The following ARMC9 variants were observed in gnomAD, a reference collection of about 807,000 sequenced individuals.
The protein encoded by ARMC9 is armadillo repeat containing 9.
In ARMC9, 94 loss-of-function variants were observed where a neutral mutation model predicts 107.0. The observed-to-expected ratio is 0.88, with a 90% CI of 0.74 to 1.04. The LOEUF (loss-of-function observed/expected upper bound fraction) is 1.04, where lower values mean the gene tolerates loss of function less well. Ranked by LOEUF, ARMC9 falls within the 50% of genes least tolerant of loss-of-function variation. ARMC9 has a pLI of 0.00. For missense variants in ARMC9, 942 were observed against 1,030.1 expected (o/e 0.91, Z 1.17); for synonymous variants, 380 against 396.9 (o/e 0.96, Z 0.51).
At chr2:231,366,882 G>A (rs1290551057) in intron 23 of ARMC9, among the ~76,000 whole-genome samples, 9 of 150,132 alleles carry the variant, frequency 6.0e-5, no homozygotes, top group Non-Finnish European at 1.2e-4. Context: ...ACGGAGTCTC[G>A]CTCTGTCGCC....
chr2:231,250,644 TG>T (rs1402747706), intron 9 of ARMC9, among the ~76,000 whole-genome samples: 1 of 151,622 alleles, frequency 6.6e-6, no homozygotes, highest in African/African-American at 2.4e-5. Context: ...TCTTGGAGGA[TG>T]GGGGGTGAAG....
rs778127630 is a variant in ARMC9 at position 231,214,901 on chromosome 2, C to G, written c.248C>G (p.Ser83Ter). ...TTCGATCTGTGGGAGGAGCACATTT[C>G]AAGTTCCATCCGAGATGGGGACTCC... ...VFFDLWEEHISSSIRDGDSFA... is the reference protein window; with the variant it reads ...VFFDLWEEHI Residue 83 changes from serine to a stop codon, truncating the protein, a stop_gained, in exon 4 of 25, where the codon TCA becomes TGA. Coordinates refer to ENST00000611582, the MANE Select transcript of ARMC9 (RefSeq NM_001352754.2). LOFTEE classifies it high-confidence loss of function. 6.2e-7 allele frequency: 1 copy of G among 1,614,148 alleles called. No individual in the cohort carries two copies. Among genetic ancestry groups the G allele is most frequent in the East Asian group, 2.2e-5 (1 of 44,882 alleles).
intron 6 of ARMC9, among the ~76,000 whole-genome samples, chr2:231,223,089 C>T (rs949031798): frequency 2.6e-5 from 4 of 152,312 alleles, no homozygotes; most frequent in South Asian, 4.1e-4. Context: ...AGAAAGTTTA[C>T]CTTCTTGTAA....
chr2:231,357,341 C>T (rs1374808752), intron 22 of ARMC9, among the ~76,000 whole-genome samples: 1 of 152,164 alleles, frequency 6.6e-6, no homozygotes, highest in East Asian at 1.9e-4. Flanking sequence ...TCCCAAATCC[C>T]GCTGTCAGTG....
chr2:231,206,251 C>A lies in ARMC9; in HGVS notation c.13C>A (p.Leu5Met), dbSNP rs376958829. 3.1e-6 allele frequency: 5 copies of A among 1,613,800 alleles called. No homozygotes were observed. The highest frequency in any genetic ancestry group is 4.2e-6 in the Non-Finnish European group (5 of 1,179,734). Reference sequence around the variant, plus strand: ...GTAACAGTTCAATATGGGGGACATTCTGGCTCATGAATCTGAATTACTTGG... The same window carrying A: ...GTAACAGTTCAATATGGGGGACATTATGGCTCATGAATCTGAATTACTTGG... Reference protein sequence around the residue: MGDILAHESELLGLV... With the variant: MGDIMAHESELLGLV... The change falls in exon 2 of 25, where the codon CTG becomes ATG. Residue 5 changes from leucine to methionine, a missense_variant. Leu to Met is a conservative substitution (Grantham distance 15, BLOSUM62 2). Transcript: ENST00000611582.
At chr2:231,329,579 G>A (rs1026482014) in intron 19 of ARMC9, among the ~76,000 whole-genome samples, 29 of 152,308 alleles carry the variant, frequency 1.9e-4, no homozygotes, top group African/African-American at 6.7e-4. Flanking sequence ...AAAGTACTGA[G>A]ATTACAGGTG....
At chr2:231,317,126 G>A (rs1003971007) in intron 19 of ARMC9, among the ~76,000 whole-genome samples, 1 of 151,582 alleles carries the variant, frequency 6.6e-6, no homozygotes, top group Non-Finnish European at 1.5e-5. Context: ...TGTCTATGAT[G>A]TACCTAGGTG....
chr2:231,360,676 C>T lies in ARMC9; in HGVS notation c.2132-78C>T, dbSNP rs889026863. The T allele has an allele frequency of 2.6e-6, 4 of 1,534,890 alleles. No homozygotes were observed. The highest frequency in any genetic ancestry group is 1.4e-5 in the African/African-American group (1 of 73,028). On this transcript the variant is annotated intron_variant, in intron 22 of 24. Transcript: ENST00000611582. This position sits in a 1 kb window ranked among gnomAD's most constrained non-coding sequence, Gnocchi z 4.7. ...TGGGGTGCGTGCTTTTCTTGGCTTT[C>T]CAACCCAGCCCACGAGAGGGCATCC...
chr2:231,307,894 A>G (rs766731437), intron 19 of ARMC9, among the ~76,000 whole-genome samples: 1 of 152,266 alleles, frequency 6.6e-6, no homozygotes, highest in East Asian at 1.9e-4. Context: ...GTTCAAGCAT[A>G]GGTTCCAGAT....
intron 19 of ARMC9, among the ~76,000 whole-genome samples, chr2:231,304,849 A>G (rs1033155862): frequency 1.3e-5 from 2 of 152,220 alleles, no homozygotes; most frequent in African/African-American, 4.8e-5. Flanking sequence ...GAAAGTTTAA[A>G]TTGTATTATT....
chr2:231,201,929 C>T (rs1354766210), intron 1 of ARMC9, among the ~76,000 whole-genome samples: 4 of 151,554 alleles, frequency 2.6e-5, no homozygotes, highest in South Asian at 2.1e-4. Context: ...CCCTCCCTTC[C>T]GTTCCCACTC....
intron 8 of ARMC9, among the ~76,000 whole-genome samples, chr2:231,237,771 A>ATTTTTTTTTTTTTTTTTTTT (rs2035871381): frequency 2.4e-5 from 1 of 41,474 alleles, no homozygotes; most frequent in African/African-American, 7.9e-5. Context: ...ATATATATAT[A>ATTTTTTTTTTTTTTTTTTTT]TATATATATA....
chr2:231,220,922 A>G (rs751437355), intron 5 of ARMC9, among the ~76,000 whole-genome samples: 7 of 152,172 alleles, frequency 4.6e-5, no homozygotes, highest in South Asian at 2.1e-4. Flanking sequence ...TGTCCCAAGC[A>G]TTTTGTTTTG....
In ARMC9 at chr2:231,360,794, A is replaced by C; in HGVS notation, c.2172A>C (p.Gly724=). ...IAKPGEWLPR[G]RQEEPRPAPT... ...AGCCAGGAGAGTGGCTCCCAAGAGG[A>C]CGCCAGGAAGAGCCTCGCCCAGCCC... The change falls in exon 23 of 25, where the codon GGA becomes GGC. Residue 724 remains glycine (G), a synonymous_variant. Coordinates refer to ENST00000611582, the MANE Select transcript of ARMC9 (RefSeq NM_001352754.2). The surrounding 1 kb of genome is among the most constrained non-coding windows in gnomAD (Gnocchi z 4.7). The C allele has an allele frequency of 6.5e-7, 1 of 1,536,100 alleles. No individual in the cohort carries two copies. The highest frequency in any genetic ancestry group is 1.4e-5 in the African/African-American group (1 of 73,160).
intron 20 of ARMC9, among the ~76,000 whole-genome samples, chr2:231,334,430 C>T (rs890342380): frequency 1.3e-5 from 2 of 152,378 alleles, no homozygotes; most frequent in Admixed American, 6.5e-5. Context: ...CCTGCCTTCA[C>T]ATGGCCTTCC....
At chr2:231,272,214 A>C (rs1171997589) in intron 13 of ARMC9, among the ~76,000 whole-genome samples, 1 of 100,504 alleles carries the variant, frequency 9.9e-6, no homozygotes, top group Non-Finnish European at 1.8e-5. Context: ...TTTTTTTGAG[A>C]GAGTCTCACT....
chr2:231,296,404 G>A (rs1215564792), intron 19 of ARMC9, 151 bp downstream of exon 19: 3 of 717,478 alleles, frequency 4.2e-6, no homozygotes, highest in Non-Finnish European at 6.9e-6. Flanking sequence ...TCAGCTGGGT[G>A]GTGGTTCGGG....
chr2:231,345,450 G>T (rs973371659), intron 21 of ARMC9, among the ~76,000 whole-genome samples: 25 of 152,286 alleles, frequency 1.6e-4, no homozygotes, highest in African/African-American at 5.5e-4. Context: ...CCTGTGTTGG[G>T]ATTGGAATGT....
At chr2:231,235,408 T>C (rs2035615474) in intron 8 of ARMC9, 27 bp downstream of exon 8, 25 of 1,612,938 alleles carry the variant, frequency 1.5e-5, no homozygotes, top group Non-Finnish European at 2.0e-5. Context: ...ATTGTGTGTA[T>C]GTCTGTTTGG....
Sources: allele counts gnomAD v4.1 joint callset (sites outside exome capture counted in the v4.1 genomes callset), GRCh38; gene constraint gnomAD v4.1.1; non-coding constraint Gnocchi (gnomAD v3.1); transcripts MANE v1.5; gene names NCBI Gene and HGNC (gene_info 2026-07-23, HGNC 2026-07-21).